The following DAPK1 variants were observed in gnomAD, a reference collection of about 807,000 sequenced individuals.
The protein encoded by DAPK1 is death-associated protein kinase 1.
Under a neutral mutation model 144.9 loss-of-function variants are expected in DAPK1, and 56 were observed. The ratio of observed to expected loss-of-function variants is 0.39; its 90% CI spans 0.31 to 0.48. The LOEUF is 0.48. DAPK1 is among the 20% of genes least tolerant of loss of function. The pLI is 0.95. For synonymous variants in DAPK1, 690 were observed against 749.0 expected (o/e 0.92, Z 1.29); for missense variants, 1,454 against 1,875.4 (o/e 0.78, Z 4.15).
intron 20 of DAPK1, among the ~76,000 whole-genome samples, chr9:87,684,482 G>A (rs1476630419): frequency 6.6e-6 from 1 of 152,178 alleles, no homozygotes; most frequent in Non-Finnish European, 1.5e-5. Context: ...TAGAATTTTG[G>A]CCCTTTTCCA....
chr9:87,620,419 C>G (rs1829251215), intron 3 of DAPK1, among the ~76,000 whole-genome samples: 1 of 152,194 alleles, frequency 6.6e-6, no homozygotes, highest in African/African-American at 2.4e-5. Flanking sequence ...CTCCATGTCT[C>G]AAGGTGGCTA....
chr9:87,561,894 G>A (rs1243993646), intron 2 of DAPK1, among the ~76,000 whole-genome samples: 1 of 152,126 alleles, frequency 6.6e-6, no homozygotes, highest in African/African-American at 2.4e-5. Context: ...CATGCCCAGG[G>A]TTCAAGCAAG....
In DAPK1 at chr9:87,516,143, G is replaced by A. The variant is rs970590098; in HGVS notation, c.62+17004G>A. Among the ~76,000 whole-genome samples the A allele has an allele frequency of 1.2e-3, 190 of 152,128 alleles. 3 individuals are homozygous for A. Among genetic ancestry groups the A allele is most frequent in the Non-Finnish European group, 2.4e-4 (16 of 68,028 alleles). On this transcript the variant is annotated intron_variant, in intron 2 of 25. Coordinates refer to ENST00000408954, the MANE Select transcript of DAPK1 (RefSeq NM_004938.4). The stretch of plus-strand genomic sequence containing the variant: ...TGGAGTTCACTCTCTGGCTGTACTT[G>A]CCGCCCCCCAGCTTCTGCCCTTCTC...
intron 1 of DAPK1, among the ~76,000 whole-genome samples, 168 bp from the exon 2 acceptor site, chr9:87,498,802 C>T (rs36228012): frequency 0.017 from 2,544 of 151,994 alleles, 79 homozygotes; most frequent in African/African-American, 0.058. Context: ...GGGTCGGGGG[C>T]GTCCCTGGCC....
chr9:87,548,571 CCAA>C (rs1243952171), intron 2 of DAPK1, among the ~76,000 whole-genome samples: 2 of 152,176 alleles, frequency 1.3e-5, no homozygotes, highest in African/African-American at 2.4e-5. Flanking sequence ...ACTGGATTCC[CCAA>C]CAACAACTAA....
Position 87,647,346 on chromosome 9 carries a change from C to T in DAPK1, c.1272C>T (p.His424=), listed in dbSNP as rs750025341. The T allele has an allele frequency of 9.9e-6, 16 of 1,614,016 alleles. No homozygotes were observed. The highest frequency in any genetic ancestry group is 3.3e-5 in the South Asian group (3 of 91,086). ...NAVYWAARHG[H]VDTLKFLSEN... is the part of the protein sequence containing the mutation. ...TCTACTGGGCTGCTCGGCATGGCCA[C>T]GTCGATACCTTGAAATTTCTCAGTG... The change falls in exon 14 of 26, where the codon CAC becomes CAT. Residue 424 remains histidine (H), a synonymous_variant. Transcript: ENST00000408954.
intron 2 of DAPK1, among the ~76,000 whole-genome samples, chr9:87,511,397 A>G (rs1202106771): frequency 6.6e-6 from 1 of 152,156 alleles, no homozygotes; most frequent in Non-Finnish European, 1.5e-5. Flanking sequence ...TACCCTTTTC[A>G]AAGTCCACAA....
At chr9:87,589,055 A>ATTTTT (rs35875159) in intron 2 of DAPK1, among the ~76,000 whole-genome samples, 186 of 101,134 alleles carry the variant, frequency 1.8e-3, no homozygotes, top group African/African-American at 6.8e-3. Context: ...CGCCCGGCTA[A>ATTTTT]TTTTTTTTTT....
chr9:87,546,710 C>A (rs1207143724), intron 2 of DAPK1, among the ~76,000 whole-genome samples: 2 of 152,208 alleles, frequency 1.3e-5, no homozygotes, highest in African/African-American at 4.8e-5. Flanking sequence ...CCTCTCTCTA[C>A]CCAGCTCTCT....
intron 2 of DAPK1, among the ~76,000 whole-genome samples, chr9:87,516,288 C>G (rs1825051429): frequency 6.6e-6 from 1 of 152,146 alleles, no homozygotes. Flanking sequence ...TGTTGGGGCT[C>G]AAGAGCCAGC....
At chr9:87,538,696 C>T (rs1825939940) in intron 2 of DAPK1, among the ~76,000 whole-genome samples, 1 of 151,998 alleles carries the variant, frequency 6.6e-6, no homozygotes, top group African/African-American at 2.4e-5. Context: ...GAATTGCCCG[C>T]ATATGAAAAA....
At chr9:87,571,659 A>G (rs1465391798) in intron 2 of DAPK1, among the ~76,000 whole-genome samples, 3 of 152,206 alleles carry the variant, frequency 2.0e-5, no homozygotes, top group Non-Finnish European at 4.4e-5. Flanking sequence ...TCCGTCTGCC[A>G]GCAGTCCACC....
intron 22 of DAPK1, 24 bp from the exon 23 acceptor site, chr9:87,698,631 GA>G: frequency 6.4e-7 from 1 of 1,565,618 alleles, no homozygotes; most frequent in Non-Finnish European, 8.8e-7. Context: ...CCCACCCCCT[GA>G]AGCAGTTCCC....
chr9:87,618,998 T>C (rs1040085574), intron 3 of DAPK1, among the ~76,000 whole-genome samples: 16 of 152,184 alleles, frequency 1.1e-4, no homozygotes, highest in African/African-American at 3.4e-4. Flanking sequence ...TGCAGAGCCT[T>C]TGAACCTGTG....
In DAPK1 at chr9:87,640,852, G is replaced by C. The variant is rs1216922393; in HGVS notation, c.828+5G>C. 6.2e-7 allele frequency: 1 copy of C among 1,613,830 alleles called. No individual in the cohort carries two copies. Among genetic ancestry groups the C allele is most frequent in the Non-Finnish European group, 8.5e-7 (1 of 1,179,822 alleles). Reference sequence around the variant, plus strand: ...TTGCAGCATCCCTGGATCAAGGTGAGTTGCATATTACGAAACTGTTTAGAT... The same window carrying C: ...TTGCAGCATCCCTGGATCAAGGTGACTTGCATATTACGAAACTGTTTAGAT... On this transcript the variant is annotated splice_donor_5th_base_variant and intron_variant, in intron 9 of 25. Coordinates refer to ENST00000408954, the MANE Select transcript of DAPK1 (RefSeq NM_004938.4).
At chr9:87,552,509 GT>G (rs1697299635) in intron 2 of DAPK1, among the ~76,000 whole-genome samples, 1 of 152,060 alleles carries the variant, frequency 6.6e-6, no homozygotes, top group African/African-American at 2.4e-5. Flanking sequence ...ATAGGCAGTT[GT>G]GGCATCTCTT....
At chr9:87,649,787 C>A in intron 15 of DAPK1, 134 bp from the exon 16 acceptor site, 2 of 779,078 alleles carry the variant, frequency 2.6e-6, no homozygotes, top group Non-Finnish European at 4.5e-6. Flanking sequence ...TATTTCACTC[C>A]AATACCTATG....
At chr9:87,664,540 A>C (rs1830983359) in intron 18 of DAPK1, among the ~76,000 whole-genome samples, 1 of 152,064 alleles carries the variant, frequency 6.6e-6, no homozygotes, top group African/African-American at 2.4e-5. Context: ...CCTCTGTTCC[A>C]GCCTCTCCGG....
chr9:87,525,432 T>C, intron 2 of DAPK1: 1 of 1,610,744 alleles, frequency 6.2e-7, no homozygotes, highest in South Asian at 1.1e-5. Flanking sequence ...CGCCAGTGTT[T>C]CCGTCAGTAC....
Sources: gnomAD v4.1 joint callset for allele counts (sites outside exome capture counted in the v4.1 genomes callset) on GRCh38, gnomAD v4.1.1 for gene constraint, MANE v1.5 for transcripts, NCBI Gene and HGNC (gene_info 2026-07-23, HGNC 2026-07-21) for gene names.